Variants in ABR observed in about 807,000 individuals in gnomAD.
ABR encodes active breakpoint cluster region-related protein.
In ABR, 35 loss-of-function variants were observed where a neutral mutation model predicts 107.2. The observed-to-expected ratio is 0.33, with a 90% CI of 0.25 to 0.43. The LOEUF (loss-of-function observed/expected upper bound fraction) is 0.43. Ranked by LOEUF, ABR falls within the 20% of genes least tolerant of loss-of-function variation. The probability of loss-of-function intolerance (pLI) is 1.00; values close to 1 mark genes in which losing one functional copy is unlikely to be tolerated. For synonymous variants in ABR, 498 were observed against 462.0 expected (o/e 1.08, Z -1.00); for missense variants, 815 against 1,115.2 (o/e 0.73, Z 3.83).
At chr17:1,047,534 G>C (rs2031812006) in intron 16 of ABR, among the ~76,000 whole-genome samples, 1 of 152,258 alleles carries the variant, frequency 6.6e-6, no homozygotes, top group Non-Finnish European at 1.5e-5. Context: ...GCCGGGCCTT[G>C]GCATGCTGAG....
chr17:1,073,695 G>A lies in ABR; in HGVS notation c.701-18C>T. On this transcript the variant is annotated intron_variant, in intron 6 of 22. Coordinates refer to ENST00000302538, the MANE Select transcript of ABR (RefSeq NM_021962.5). ...GAGCAGAGCTGTCGGGGGAGACAGG[G>A]AGAAGGAGGAAGAGGATGATGGACG... is the stretch of plus-strand genomic sequence containing the variant. 1.3e-6 allele frequency: 2 copies of A among 1,596,782 alleles called. No individual in the cohort carries two copies. The highest frequency in any genetic ancestry group is 2.2e-5 in the East Asian group (1 of 44,558).
chr17:1,138,413 A>G (rs1247897484), intron 1 of ABR, among the ~76,000 whole-genome samples: 1 of 152,178 alleles, frequency 6.6e-6, no homozygotes, highest in Non-Finnish European at 1.5e-5. Context: ...ACATATGGAA[A>G]TATTCACCAA....
At chr17:1,077,578 A>C (rs558830755) in intron 6 of ABR, among the ~76,000 whole-genome samples, 3 of 152,232 alleles carry the variant, frequency 2.0e-5, no homozygotes, top group African/African-American at 7.2e-5. Flanking sequence ...GCTTCCATCA[A>C]GAGGGTCCTG....
chr17:1,044,039 C>A (rs1183365101), intron 16 of ABR, among the ~76,000 whole-genome samples: 1 of 152,206 alleles, frequency 6.6e-6, no homozygotes, highest in African/African-American at 2.4e-5. Context: ...CAGGCCCAGC[C>A]CGCCAAGAAG....
rs973589517 is a variant in ABR at position 1,032,679 on chromosome 17, C to T, written c.1791+17371G>A. Among the ~76,000 whole-genome samples the T allele has an allele frequency of 2.4e-5, 3 of 126,058 alleles. No homozygotes were observed. In the South Asian group the frequency reaches 6.9e-4, roughly 29 times the overall value. 82.7% of individuals were successfully genotyped at this position (126,058 alleles called of 152,430 possible). A position where few individuals can be genotyped will look rare whatever the true frequency, so the allele number is the denominator to read the frequency against. On this transcript the variant is annotated intron_variant, in intron 16 of 22. Transcript: ENST00000302538. ...CTGGGCGCCTTGAGAGAGAGAAGAA[C>T]TTGTTCTTGACCTTCAATTTATTTA... is the stretch of plus-strand genomic sequence containing the variant.
Position 1,078,702 on chromosome 17 carries a change from C to T in ABR, c.700+628G>A. On this transcript the variant is annotated intron_variant, in intron 6 of 22. Coordinates refer to ENST00000302538, the MANE Select transcript of ABR (RefSeq NM_021962.5). The surrounding 1 kb of genome is among the most constrained non-coding windows in gnomAD (Gnocchi z 7.5). ...GGGGAATTCAGGTCCAGCCGCTCGC[C>T]CACCCTCCTTCCCTGCGGCCCTCTA... The T allele has an allele frequency of 8.7e-7, 1 of 1,155,380 alleles. No homozygotes were observed. Among genetic ancestry groups the T allele is most frequent in the Non-Finnish European group, 1.2e-6 (1 of 824,030 alleles). The allele number at this position is 1,155,380 out of a possible 1,614,324, so 71.6% of individuals were successfully genotyped here.
chr17:1,103,318 G>A (rs967479867), intron 2 of ABR, among the ~76,000 whole-genome samples: 4 of 152,040 alleles, frequency 2.6e-5, no homozygotes, highest in Admixed American at 6.6e-5. Context: ...TCAGAGCCTG[G>A]AACAGCCCCC....
chr17:1,061,674 G>A (rs2440045), intron 10 of ABR, among the ~76,000 whole-genome samples: 28,954 of 151,812 alleles, frequency 0.19, 3,126 homozygotes, highest in South Asian at 0.25. Context: ...AGCCTCCCAT[G>A]TGGCTGGGAT....
In ABR at chr17:1,051,179, C is replaced by T. The variant is rs2032467467; in HGVS notation, c.1562-545G>A. ...CGGTGACGACCAACAACGCCCACAT[C>T]CCCAAGCCCAGGGTGCTGTGGTTTC... On this transcript the variant is annotated intron_variant, in intron 14 of 22. Coordinates refer to ENST00000302538, the MANE Select transcript of ABR (RefSeq NM_021962.5). The surrounding 1 kb of genome is among the most constrained non-coding windows in gnomAD (Gnocchi z 4.3). 6.6e-6 allele frequency among the ~76,000 whole-genome samples: 1 copy of T among 152,182 alleles called. No homozygotes were observed. The highest frequency in any genetic ancestry group is 1.5e-5 in the Non-Finnish European group (1 of 68,030).
upstream of ABR, chr17:1,181,827 A>G (rs963984569): frequency 6.6e-5 from 10 of 152,216 alleles, no homozygotes; most frequent in African/African-American, 2.2e-4. Flanking sequence ...CCTCAAAACA[A>G]CAACAAGCAA....
intron 1 of ABR, among the ~76,000 whole-genome samples, chr17:1,215,450 G>A (rs913150442): frequency 5.9e-5 from 9 of 152,168 alleles, no homozygotes; most frequent in African/African-American, 1.9e-4. Flanking sequence ...TGTGTTGGCC[G>A]GGCTGGTCTC....
At position 1,027,847 on chromosome 17, in the gene ABR, G is replaced by GTGGC. The variant is rs2072339696; in HGVS notation, c.1792-14684_1792-14683insGCCA. On this transcript the variant is annotated intron_variant, in intron 16 of 22. Coordinates refer to ENST00000302538, the MANE Select transcript of ABR (RefSeq NM_021962.5). The surrounding 1 kb of genome is among the most constrained non-coding windows in gnomAD (Gnocchi z 4.7). ...CGGGCCAGGCCAGACTTCTATTGCA[G>GTGGC]AAGGCTGCGAGATCTTTCCTGACGC... Among the ~76,000 whole-genome samples, 1 of 152,076 alleles carries GTGGC rather than the reference G, an allele frequency of 6.6e-6. No individual in the cohort carries two copies. The highest frequency in any genetic ancestry group is 2.4e-5 in the African/African-American group (1 of 41,406).
Position 1,010,460 on chromosome 17 carries a change from A to C in ABR, c.2236+269T>G. 1 of 483,592 alleles carries C rather than the reference A, an allele frequency of 2.1e-6. No homozygotes were observed. Among genetic ancestry groups the C allele is most frequent in the Non-Finnish European group, 3.7e-6 (1 of 267,080 alleles). 30.0% of individuals were successfully genotyped at this position (483,592 alleles called of 1,614,324 possible). On this transcript the variant is annotated intron_variant, in intron 20 of 22. Transcript: ENST00000302538. This position sits in a 1 kb window ranked among gnomAD's most constrained non-coding sequence, Gnocchi z 4.1. The stretch of plus-strand genomic sequence containing the variant: ...TCTTCCCTGGATGCTCGAGCTTCCA[A>C]GCAAGAGGCCAACGTCCAAATAGGA...
chr17:1,112,917 TTTG>T (rs903093281), intron 2 of ABR, among the ~76,000 whole-genome samples: 1 of 118,832 alleles, frequency 8.4e-6, no homozygotes, highest in African/African-American at 2.9e-5. Context: ...TCAGCAAGCA[TTTG>T]TTAACGCCTG....
chr17:1,176,101 A>T (rs530499538), intron 1 of ABR, among the ~76,000 whole-genome samples: 121 of 152,014 alleles, frequency 8.0e-4, no homozygotes, highest in African/African-American at 2.9e-3. Context: ...CGTGTCAAAA[A>T]AAAAAAAGAA....
chr17:1,066,946 G>C, intron 10 of ABR, 131 bp downstream of exon 10: 1 of 890,746 alleles, frequency 1.1e-6, no homozygotes, highest in Admixed American at 2.4e-5. Context: ...ACTGTAGTCG[G>C]GGTCTTTCCC....
At chr17:1,161,928 T>C (rs951210265) in intron 1 of ABR, among the ~76,000 whole-genome samples, 2 of 152,156 alleles carry the variant, frequency 1.3e-5, no homozygotes, top group African/African-American at 4.8e-5. Context: ...CACTAGCTAA[T>C]GGTAATCATA....
rs985968875 is a variant in ABR at position 1,051,526 on chromosome 17, C to A, written c.1562-892G>T. Among the ~76,000 whole-genome samples the A allele has an allele frequency of 6.6e-6, 1 of 152,192 alleles. No individual in the cohort carries two copies. The highest frequency in any genetic ancestry group is 2.4e-5 in the African/African-American group (1 of 41,436). ...TGGGACCCAACTGCTGAGGCCACAGCACCGGCACGGACCCCAGGCCCTCTG... is the reference window on the plus strand; with the variant it reads ...TGGGACCCAACTGCTGAGGCCACAGAACCGGCACGGACCCCAGGCCCTCTG... On this transcript the variant is annotated intron_variant, in intron 14 of 22. Coordinates refer to ENST00000302538, the MANE Select transcript of ABR (RefSeq NM_021962.5). The surrounding 1 kb of genome is among the most constrained non-coding windows in gnomAD (Gnocchi z 4.3).
intron 3 of ABR, among the ~76,000 whole-genome samples, chr17:1,100,371 C>T (rs2277686): frequency 0.19 from 28,394 of 152,198 alleles, 2,935 homozygotes; most frequent in Middle Eastern, 0.27. Context: ...ATGCCAGGGT[C>T]GTGGGTGACA....
Sources: allele counts gnomAD v4.1 joint callset (sites outside exome capture counted in the v4.1 genomes callset), GRCh38; gene constraint gnomAD v4.1.1; non-coding constraint Gnocchi (gnomAD v3.1); transcripts MANE v1.5; gene names NCBI Gene and HGNC (gene_info 2026-07-23, HGNC 2026-07-21).